Variants in ROBO2 observed in about 807,000 individuals in gnomAD.
ROBO2 encodes roundabout homolog 2.
A neutral mutation model predicts 160.8 loss-of-function variants in ROBO2; 53 were observed. The ratio of observed to expected loss-of-function variants is 0.33; its 90% CI spans 0.26 to 0.41. ROBO2 has a LOEUF of 0.41. Among genes scored for constraint, ROBO2 ranks in the 10% least tolerant of loss-of-function variants. The pLI is 1.00. For missense variants in ROBO2, 1,577 were observed against 1,722.4 expected, an observed-to-expected ratio of 0.92 and a Z score of 1.49; for synonymous variants, 664 against 611.7, an observed-to-expected ratio of 1.09 and a Z score of -1.26.
intron 2 of ROBO2, among the ~76,000 whole-genome samples, chr3:76,991,887 A>G (rs527697113): frequency 6.6e-6 from 1 of 152,284 alleles, no homozygotes; most frequent in African/African-American, 2.4e-5. Flanking sequence ...TGGAGGACAT[A>G]TATCCTCAAA....
At chr3:77,640,257 G>T (rs553019647) in intron 24 of ROBO2, among the ~76,000 whole-genome samples, 10 of 151,844 alleles carry the variant, frequency 6.6e-5, no homozygotes, top group Admixed American at 5.9e-4. Context: ...GACTAAAGGC[G>T]CCCGCCACCA....
chr3:76,083,149 A>G (rs537344733), intron 2 of ROBO2, among the ~76,000 whole-genome samples: 29 of 152,232 alleles, frequency 1.9e-4, no homozygotes, highest in African/African-American at 6.5e-4. Flanking sequence ...GTTGAACATC[A>G]GTTCTCTATC....
chr3:77,600,821 G>A (rs1209279697), intron 19 of ROBO2, among the ~76,000 whole-genome samples: 1 of 152,118 alleles, frequency 6.6e-6, no homozygotes, highest in Non-Finnish European at 1.5e-5. Context: ...TTAGGACATA[G>A]CTCAAAGAAA....
intron 2 of ROBO2, among the ~76,000 whole-genome samples, chr3:76,653,262 T>A (rs2091335485): frequency 6.6e-6 from 1 of 151,954 alleles, no homozygotes; most frequent in Non-Finnish European, 1.5e-5. Context: ...AATTCTCACA[T>A]GCTTATAATT....
intron 2 of ROBO2, among the ~76,000 whole-genome samples, chr3:76,386,756 A>G (rs2108606027): frequency 6.6e-6 from 1 of 152,258 alleles, no homozygotes; most frequent in African/African-American, 2.4e-5. Flanking sequence ...TCAGTGTTGA[A>G]GTGGCGTATA....
rs199650532 is a variant in ROBO2, at chr3:76,967,942, A to C, written c.110-130072A>C. ...TCAGCCACAAGAAATGGATCTCAAAAGTCTTACATTGTTGATGAAGTTAGG... is the reference window on the plus strand; with the variant it reads ...TCAGCCACAAGAAATGGATCTCAAACGTCTTACATTGTTGATGAAGTTAGG... On this transcript the variant is annotated intron_variant, in intron 2 of 26. Coordinates refer to the ROBO2 transcript ENST00000487694. Among the ~76,000 whole-genome samples, 7 of 152,296 alleles carry C rather than the reference A, an allele frequency of 4.6e-5. No homozygotes were observed. In the East Asian group the frequency reaches 7.7e-4, roughly 17 times the overall value.
rs1559860221 is a variant in ROBO2, at chr3:76,041,989, A to AGAGAGG, written c.109+104393_109+104398dup. On this transcript the variant is annotated intron_variant, in intron 2 of 26. Coordinates refer to the ROBO2 transcript ENST00000487694. ...GTGTGTGTGTGACAGAGAGTGAGAG[A>AGAGAGG]GAGAGGGAGAGCGAGAGCAAGAGAG... Among the ~76,000 whole-genome samples, 2 of 149,364 alleles carry AGAGAGG rather than the reference A, an allele frequency of 1.3e-5. 1 individual carries two copies.
chr3:76,696,338 CT>C (rs1192856585), intron 2 of ROBO2, among the ~76,000 whole-genome samples: 1 of 151,680 alleles, frequency 6.6e-6, no homozygotes, highest in Non-Finnish European at 1.5e-5. Flanking sequence ...CCAGTTACCC[CT>C]AGACACTTAT....
At chr3:76,569,444 C>T (rs2084820778) in intron 2 of ROBO2, among the ~76,000 whole-genome samples, 2 of 152,172 alleles carry the variant, frequency 1.3e-5, no homozygotes, top group South Asian at 2.1e-4. Context: ...TGAGTCAGGC[C>T]AGGTTTTGCC....
chr3:76,338,676 C>T (rs544558744), intron 2 of ROBO2, among the ~76,000 whole-genome samples: 1 of 150,918 alleles, frequency 6.6e-6, no homozygotes, highest in African/African-American at 2.4e-5. Context: ...CAAGATCATG[C>T]TTCTTTTTTA....
intron 8 of ROBO2, among the ~76,000 whole-genome samples, chr3:77,555,565 G>A (rs2093084867): frequency 7.5e-6 from 1 of 133,698 alleles, no homozygotes; most frequent in African/African-American, 2.8e-5. Flanking sequence ...GCATTGTTCT[G>A]TATTTCTTCT....
chr3:76,226,631 CA>C (rs1229371657), intron 2 of ROBO2, among the ~76,000 whole-genome samples: 1 of 151,958 alleles, frequency 6.6e-6, no homozygotes, highest in Non-Finnish European at 1.5e-5. Context: ...AATCTCAACC[CA>C]GCCTAGACAA....
intron 2 of ROBO2, among the ~76,000 whole-genome samples, chr3:77,115,325 C>T (rs570695206): frequency 1.3e-5 from 2 of 152,258 alleles, no homozygotes; most frequent in South Asian, 4.1e-4. Flanking sequence ...ATAGCTTGCA[C>T]ATGTACTCAG....
chr3:76,065,750 TATAC>T (rs1297586609), intron 2 of ROBO2, among the ~76,000 whole-genome samples: 5 of 142,502 alleles, frequency 3.5e-5, no homozygotes, highest in African/African-American at 2.7e-5. Flanking sequence ...TATATATATA[TATAC>T]ACACACACAC....
chr3:76,399,845 A>AG (rs985249436), intron 2 of ROBO2, among the ~76,000 whole-genome samples: 5 of 151,762 alleles, frequency 3.3e-5, no homozygotes, highest in African/African-American at 1.2e-4. Context: ...GAAGCATTTT[A>AG]GAAAAACTAG....
At chr3:77,153,704 C>G (rs1188581979) in intron 2 of ROBO2, among the ~76,000 whole-genome samples, 1 of 152,020 alleles carries the variant, frequency 6.6e-6, no homozygotes, top group Non-Finnish European at 1.5e-5. Context: ...TCTACCAACA[C>G]GCAAAAGGTC....
chr3:76,195,020 T>G (rs1016552205), intron 2 of ROBO2, among the ~76,000 whole-genome samples: 1 of 142,896 alleles, frequency 7.0e-6, no homozygotes, highest in Non-Finnish European at 1.5e-5. Flanking sequence ...AGTTTGTCAG[T>G]TTTTTTTCCT....
chr3:76,342,081 A>G (rs2074261370), intron 2 of ROBO2, among the ~76,000 whole-genome samples: 1 of 152,142 alleles, frequency 6.6e-6, no homozygotes, highest in African/African-American at 2.4e-5. Flanking sequence ...TTCCTGGTAG[A>G]CAATCTAATT....
intron 2 of ROBO2, among the ~76,000 whole-genome samples, chr3:76,097,926 TAATAA>T (rs1464168745): frequency 6.6e-6 from 1 of 152,160 alleles, no homozygotes; most frequent in Admixed American, 6.5e-5. Flanking sequence ...AAACAACGAT[TAATAA>T]AATCAAAGTT....
Sources: allele counts gnomAD v4.1 joint callset (sites outside exome capture counted in the v4.1 genomes callset), GRCh38; gene constraint gnomAD v4.1.1; transcripts MANE v1.5; gene names NCBI Gene and HGNC (gene_info 2026-07-23, HGNC 2026-07-21).